EPSTI1: variants seen among roughly 807,000 people sequenced by gnomAD.
EPSTI1 encodes the protein epithelial stromal interaction 1.
EPSTI1 carries 66 observed loss-of-function variants against 49.9 expected under a neutral mutation model. The observed-to-expected ratio is 1.32, with a 90% CI of 1.08 to 1.62. EPSTI1 has a LOEUF of 1.62. Ranked by LOEUF, EPSTI1 falls within the 40% of genes most tolerant of loss-of-function variation. The pLI, the probability that EPSTI1 is intolerant of heterozygous loss-of-function variation, is 0.00. For synonymous variants in EPSTI1, 137 were observed against 130.7 expected (o/e 1.05, Z -0.33); for missense variants, 394 against 365.5 (o/e 1.08, Z -0.64).
In EPSTI1 at chr13:42,888,487, T is replaced by C. The variant is rs926296266; in HGVS notation, c.*7A>G. The C allele has an allele frequency of 2.5e-6, 4 of 1,613,328 alleles. No individual in the cohort carries two copies. Among genetic ancestry groups the C allele is most frequent in the East Asian group, 4.5e-5 (2 of 44,888 alleles). On this transcript the variant is annotated 3_prime_UTR_variant, in exon 11 of 11. Transcript: ENST00000313624. ...TTGATGAAGGCCAGATAGGAGTCAA[T>C]ATTTTCTCATATACCCTGGAAGAAA...
At chr13:42,930,119 A>G (rs577868189) in intron 6 of EPSTI1, among the ~76,000 whole-genome samples, 1 of 152,354 alleles carries the variant, frequency 6.6e-6, no homozygotes, top group South Asian at 2.1e-4. Flanking sequence ...TCTTAAGTCT[A>G]CATGACTCTG....
intron 8 of EPSTI1, among the ~76,000 whole-genome samples, chr13:42,910,084 T>G (rs1445132818): frequency 2.6e-5 from 4 of 152,188 alleles, no homozygotes; most frequent in African/African-American, 9.6e-5. Flanking sequence ...TTCTGTCAAT[T>G]AAAATTGGAT....
chr13:42,961,838 A>G (rs981113027), intron 5 of EPSTI1, among the ~76,000 whole-genome samples: 1 of 152,160 alleles, frequency 6.6e-6, no homozygotes, highest in Non-Finnish European at 1.5e-5. Flanking sequence ...TACTTGGCTC[A>G]GAGTTTACTG....
chr13:42,908,503 A>AC (rs1447703932), intron 8 of EPSTI1, among the ~76,000 whole-genome samples: 1 of 149,386 alleles, frequency 6.7e-6, no homozygotes, highest in Non-Finnish European at 1.5e-5. Context: ...AAAAAAAAAA[A>AC]GGAAAAGAAA....
intron 7 of EPSTI1, among the ~76,000 whole-genome samples, chr13:42,921,699 G>A (rs2038000266): frequency 6.6e-6 from 1 of 152,108 alleles, no homozygotes. Flanking sequence ...CTCTGGAGGT[G>A]CAACCCAGGT....
intron 7 of EPSTI1, among the ~76,000 whole-genome samples, chr13:42,921,826 A>G (rs1450099680): frequency 6.6e-6 from 1 of 151,968 alleles, no homozygotes; most frequent in East Asian, 1.9e-4. Flanking sequence ...AACACCCAGG[A>G]CAGGTTAAAG....
intron 7 of EPSTI1, chr13:42,919,419 TA>T: frequency 1.7e-6 from 2 of 1,190,806 alleles, no homozygotes; most frequent in Non-Finnish European, 2.5e-6. Context: ...TGTATTCACA[TA>T]ATTTGTCTAA....
At chr13:42,906,345 C>A (rs1489564626) in intron 8 of EPSTI1, among the ~76,000 whole-genome samples, 1 of 152,144 alleles carries the variant, frequency 6.6e-6, no homozygotes, top group Non-Finnish European at 1.5e-5. Context: ...TGCTCCAAAG[C>A]AAAGTTTCAG....
intron 1 of EPSTI1, among the ~76,000 whole-genome samples, chr13:42,975,156 A>G (rs138884852): frequency 1.3e-5 from 2 of 152,372 alleles, no homozygotes; most frequent in East Asian, 3.9e-4. Flanking sequence ...CAATGTAAGA[A>G]TCAGAAACTT....
chr13:42,889,109 C>A, intron 10 of EPSTI1: 2 of 920,484 alleles, frequency 2.2e-6, no homozygotes, highest in Non-Finnish European at 3.4e-6. Flanking sequence ...TGCTTAACTG[C>A]CCCTGAAGAC....
chr13:42,901,890 A>T (rs1240638080), intron 8 of EPSTI1, among the ~76,000 whole-genome samples: 1 of 151,902 alleles, frequency 6.6e-6, no homozygotes, highest in Non-Finnish European at 1.5e-5. Context: ...AGCATTAGGT[A>T]TATCTCCCAA....
At chr13:42,912,120 T>C (rs543952720) in intron 8 of EPSTI1, among the ~76,000 whole-genome samples, 1 of 152,316 alleles carries the variant, frequency 6.6e-6, no homozygotes, top group East Asian at 1.9e-4. Context: ...GCACAATCAA[T>C]AAATGCAATC....
intron 6 of EPSTI1, among the ~76,000 whole-genome samples, chr13:42,940,686 G>T (rs1315931183): frequency 6.6e-6 from 1 of 152,148 alleles, no homozygotes; most frequent in African/African-American, 2.4e-5. Context: ...TGATCCACCT[G>T]CCTCAGCCTC....
intron 7 of EPSTI1, among the ~76,000 whole-genome samples, chr13:42,925,280 C>T (rs2038135114): frequency 6.6e-6 from 1 of 152,192 alleles, no homozygotes; most frequent in Non-Finnish European, 1.5e-5. Context: ...ACAAATCTAA[C>T]CTTGAGTTTT....
At position 42,917,232 on chromosome 13, in the gene EPSTI1, ATGG is replaced by A. The variant is rs140057553; in HGVS notation, c.741+306_741+308del. Reference sequence around the variant, plus strand: ...TATCTTCGGTTTAAAAATAGCAGTGATGGTGGTGGTGTTTTGTTTTGCAGATGA... The same window carrying A: ...TATCTTCGGTTTAAAAATAGCAGTGATGGTGGTGTTTTGTTTTGCAGATGA... On this transcript the variant is annotated intron_variant, in intron 8 of 10. Coordinates refer to ENST00000313624, the MANE Select transcript of EPSTI1 (RefSeq NM_033255.5). Among the ~76,000 whole-genome samples the A allele has an allele frequency of 8.6e-3, 1,306 of 152,256 alleles. 23 individuals are homozygous for A. The highest frequency in any genetic ancestry group is 0.03 in the African/African-American group (1,248 of 41,536).
At chr13:42,990,780 A>G (rs554913878) in intron 1 of EPSTI1, among the ~76,000 whole-genome samples, 67 of 152,348 alleles carry the variant, frequency 4.4e-4, no homozygotes, top group Non-Finnish European at 7.8e-4. Context: ...ATAAGGTTAT[A>G]TACTGTTTCT....
rs75039707 is a variant in EPSTI1, at chr13:42,922,627, G to A, written c.657+3709C>T. Among the ~76,000 whole-genome samples, 1 of 152,176 alleles carries A rather than the reference G, an allele frequency of 6.6e-6. No individual in the cohort carries two copies. The highest frequency in any genetic ancestry group is 1.5e-5 in the Non-Finnish European group (1 of 68,022). On this transcript the variant is annotated intron_variant, in intron 7 of 10. Coordinates refer to ENST00000313624, the MANE Select transcript of EPSTI1 (RefSeq NM_033255.5). The surrounding 1 kb of genome is among the most constrained non-coding windows in gnomAD (Gnocchi z 4.8). ...TTTGTTCTATTAGGTCACTACATTC[G>A]TGGTAATTTGTTACAGCAGCAAAGG... is the stretch of plus-strand genomic sequence containing the variant.
At chr13:42,985,625 T>C (rs756367350) in intron 1 of EPSTI1, among the ~76,000 whole-genome samples, 10 of 152,154 alleles carry the variant, frequency 6.6e-5, no homozygotes, top group Non-Finnish European at 1.3e-4. Context: ...TGGACACGAA[T>C]ATGGGGAGTC....
At chr13:42,969,266 AGGC>A in intron 2 of EPSTI1, 89 bp from the exon 3 acceptor site, 1 of 1,284,170 alleles carries the variant, frequency 7.8e-7, no homozygotes, top group Non-Finnish European at 1.1e-6. Context: ...AACTATTAGA[AGGC>A]AATTAACTAT....
Sources: allele counts gnomAD v4.1 joint callset (sites outside exome capture counted in the v4.1 genomes callset), GRCh38; gene constraint gnomAD v4.1.1; non-coding constraint Gnocchi (gnomAD v3.1); transcripts MANE v1.5; gene names NCBI Gene and HGNC (gene_info 2026-07-23, HGNC 2026-07-21).